TCF19: variants seen among roughly 807,000 people sequenced by gnomAD.
The protein encoded by TCF19 is transcription factor 19.
In TCF19, 9 loss-of-function variants were observed where a neutral mutation model predicts 18.3. The ratio of observed to expected loss-of-function variants is 0.49; its 90% CI spans 0.30 to 0.86. The LOEUF (loss-of-function observed/expected upper bound fraction) is 0.86, where lower values mean the gene tolerates loss of function less well. Ranked by LOEUF, TCF19 falls within the 40% of genes least tolerant of loss-of-function variation. The pLI is 0.07. For synonymous variants in TCF19, 176 were observed against 185.3 expected (o/e 0.95, Z 0.41); for missense variants, 376 against 464.3 (o/e 0.81, Z 1.75).
Position 31,162,356 on chromosome 6 carries a change from C to T in TCF19, c.798-121C>T. ...TTTTTAAGGACAGAGTCCAGGCTCA[C>T]CTTAGTTCTCAGACCACTGTGCCTC... On this transcript the variant is annotated intron_variant, in intron 3 of 3. Transcript: ENST00000376257. This position sits in a 1 kb window ranked among gnomAD's most constrained non-coding sequence, Gnocchi z 4.5. 7.1e-7 allele frequency: 1 copy of T among 1,400,644 alleles called. No individual in the cohort carries two copies. Among genetic ancestry groups the T allele is most frequent in the South Asian group, 1.4e-5 (1 of 71,830 alleles). The allele number at this position is 1,400,644 out of a possible 1,614,324, so 86.8% of individuals were successfully genotyped here.
intron 2 of TCF19, among the ~76,000 whole-genome samples, chr6:31,161,085 GGCGGA>G (rs1776727712): frequency 7.0e-6 from 1 of 142,556 alleles, no homozygotes; most frequent in African/African-American, 2.6e-5. Flanking sequence ...GAACCTGGGA[GGCGGA>G]GTGCAGTGAG....
rs1776874690 is a variant in TCF19, at chr6:31,162,678, C to G, written c.999C>G (p.Asp333Glu). 6.2e-7 allele frequency: 1 copy of G among 1,612,436 alleles called. No individual in the cohort carries two copies. The highest frequency in any genetic ancestry group is 8.5e-7 in the Non-Finnish European group (1 of 1,180,036). Residue 333 changes from aspartate (D) to glutamate (E), a missense_variant, in exon 4 of 4, where the codon GAC (aspartate) becomes GAG (glutamate). Physicochemically the swap from Asp to Glu is conservative, Grantham distance 45 (BLOSUM62 2). Coordinates refer to ENST00000376257, the MANE Select transcript of TCF19 (RefSeq NM_007109.3). The surrounding 1 kb of genome is among the most constrained non-coding windows in gnomAD (Gnocchi z 4.5). ...GCSIQAAREA[D>E]FRCPGCRAGI... ...GCATCCAGGCTGCCAGGGAGGCCGA[C>G]TTCCGATGCCCAGGGTGCCGGGCTG...
intron 2 of TCF19, among the ~76,000 whole-genome samples, chr6:31,160,311 T>C (rs1462648657): frequency 6.6e-6 from 1 of 152,150 alleles, no homozygotes; most frequent in Non-Finnish European, 1.5e-5. Context: ...ACAAAGAGGT[T>C]AAGGAACTTG....
Position 31,163,108 on chromosome 6 carries a change from C to T in TCF19, c.*391C>T. ...TCTTGGTGGCATCACCCAAGGCATTCTGGGAAAACCTAGGGCCTGGCCCCA... is the reference window on the plus strand; with the variant it reads ...TCTTGGTGGCATCACCCAAGGCATTTTGGGAAAACCTAGGGCCTGGCCCCA... On this transcript the variant is annotated 3_prime_UTR_variant, in exon 4 of 4. Transcript: ENST00000376257. 9.6e-7 allele frequency: 1 copy of T among 1,045,812 alleles called. No homozygotes were observed. 64.8% of individuals were successfully genotyped at this position (1,045,812 alleles called of 1,614,324 possible).
chr6:31,162,785 T>C lies in TCF19; in HGVS notation c.*68T>C, dbSNP rs1331810459. ...AGACACAGCAGCGAGCAAATAGGTC[T>C]GATAAATACCCCCCTTCCCTTCCCT... On this transcript the variant is annotated 3_prime_UTR_variant, in exon 4 of 4. Transcript: ENST00000376257. This position sits in a 1 kb window ranked among gnomAD's most constrained non-coding sequence, Gnocchi z 4.5. The C allele has an allele frequency of 5.8e-6, 9 of 1,565,106 alleles. No individual in the cohort carries two copies. The highest frequency in any genetic ancestry group is 7.7e-6 in the Non-Finnish European group (9 of 1,161,440).
In TCF19 at chr6:31,162,634, G is replaced by A. The variant is rs369017838; in HGVS notation, c.955G>A (p.Val319Met). ...TGATGGCTGTGACGTCTGGTTCCAT[G>A]TGGCCTGTGTTGGCTGCAGCATCCA... Reference protein sequence around the residue: ...QCDGCDVWFHVACVGCSIQAA... With the variant: ...QCDGCDVWFHMACVGCSIQAA... Residue 319 changes from valine to methionine, a missense_variant, in exon 4 of 4, where the codon GTG becomes ATG. Physicochemically the swap from Val to Met is conservative, Grantham distance 21 (BLOSUM62 1). Transcript: ENST00000376257. This position sits in a 1 kb window ranked among gnomAD's most constrained non-coding sequence, Gnocchi z 4.5. 1.2e-5 allele frequency: 20 copies of A among 1,612,844 alleles called. No homozygotes were observed. The highest frequency in any genetic ancestry group is 1.6e-5 in the Non-Finnish European group (19 of 1,180,036).
chr6:31,163,061 TG>T lies in TCF19; in HGVS notation c.*345del. On this transcript the variant is annotated 3_prime_UTR_variant, in exon 4 of 4. Transcript: ENST00000376257. ...AGCCATGCCTGCAACCGATGGAAAATGTAAGAGGGAGTTCTTAAGGTTCTTG... is the reference window on the plus strand; with the variant it reads ...AGCCATGCCTGCAACCGATGGAAAATTAAGAGGGAGTTCTTAAGGTTCTTG... The T allele has an allele frequency of 8.7e-7, 1 of 1,148,096 alleles. No homozygotes were observed. Among genetic ancestry groups the T allele is most frequent in the Non-Finnish European group, 1.1e-6 (1 of 931,862 alleles). The allele number at this position is 1,148,096 out of a possible 1,614,324, so 71.1% of individuals were successfully genotyped here.
Position 31,162,786 on chromosome 6 carries a change from G to A in TCF19, c.*69G>A. ...GACACAGCAGCGAGCAAATAGGTCTGATAAATACCCCCCTTCCCTTCCCTC... is the reference window on the plus strand; with the variant it reads ...GACACAGCAGCGAGCAAATAGGTCTAATAAATACCCCCCTTCCCTTCCCTC... On this transcript the variant is annotated 3_prime_UTR_variant, in exon 4 of 4. Transcript: ENST00000376257. This position sits in a 1 kb window ranked among gnomAD's most constrained non-coding sequence, Gnocchi z 4.5. 1 of 1,563,294 alleles carries A rather than the reference G, an allele frequency of 6.4e-7. No individual in the cohort carries two copies. The highest frequency in any genetic ancestry group is 1.2e-5 in the South Asian group (1 of 84,666).
chr6:31,159,785 C>T (rs1150765), intron 2 of TCF19, 78 bp downstream of exon 2: 331,785 of 1,435,264 alleles, frequency 0.23, 41,285 homozygotes, highest in African/African-American at 0.29. Context: ...CCACAAGACC[C>T]TGCTGCCTGC....
intron 2 of TCF19, among the ~76,000 whole-genome samples, chr6:31,160,141 C>T (rs1035056219): frequency 1.3e-4 from 20 of 152,226 alleles, no homozygotes; most frequent in African/African-American, 4.1e-4. Context: ...AGTTTTGCCA[C>T]TGCCTCTTGG....
chr6:31,161,144 A>C, intron 2 of TCF19, among the ~76,000 whole-genome samples: 1 of 130,924 alleles, frequency 7.6e-6, no homozygotes, highest in Non-Finnish European at 1.6e-5. Context: ...ATAGAGCAAA[A>C]CTCCATCTCA....
chr6:31,162,677 A>C lies in TCF19; in HGVS notation c.998A>C (p.Asp333Ala), dbSNP rs1335217107. The change falls in exon 4 of 4, where the codon GAC (aspartate) becomes GCC (alanine). Residue 333 changes from aspartate to alanine, a missense_variant. Transcript: ENST00000376257. The surrounding 1 kb of genome is among the most constrained non-coding windows in gnomAD (Gnocchi z 4.5). ...AGCATCCAGGCTGCCAGGGAGGCCG[A>C]CTTCCGATGCCCAGGGTGCCGGGCT... ...GCSIQAAREA[D>A]FRCPGCRAGI... The C allele has an allele frequency of 3.7e-6, 6 of 1,612,360 alleles. No individual in the cohort carries two copies. Among genetic ancestry groups the C allele is most frequent in the Non-Finnish European group, 5.1e-6 (6 of 1,180,002 alleles).
chr6:31,159,151 C>T lies in TCF19; in HGVS notation c.-319C>T. On this transcript the variant is annotated 5_prime_UTR_variant, in exon 2 of 4. Transcript: ENST00000376257. ...GTATCCTTGCCTTGCAGATTGGAGG[C>T]TCCCCAAATATTTTGCGATCTGAGG... 1 of 394,402 alleles carries T rather than the reference C, an allele frequency of 2.5e-6. No individual in the cohort carries two copies. Among genetic ancestry groups the T allele is most frequent in the Non-Finnish European group, 4.6e-6 (1 of 219,620 alleles). The allele number at this position is 394,402 out of a possible 1,614,324, so 24.4% of individuals were successfully genotyped here. A position where few individuals can be genotyped will look rare whatever the true frequency, so the allele number is the denominator to read the frequency against.
At position 31,159,574 on chromosome 6, in the gene TCF19, C is replaced by T; in HGVS notation, c.105C>T (p.His35=). The part of the protein sequence containing the change: ...AGAGCTYRLG[H]RADLCDVALR... ...CTGGCTGCACCTATCGCTTGGGCCA[C>T]AGGGCCGACCTGTGTGATGTGGCCC... is the stretch of plus-strand genomic sequence containing the variant. The change falls in exon 2 of 4, where the codon CAC becomes CAT. Residue 35 remains histidine (H), a synonymous_variant. Transcript: ENST00000376257. 6.2e-7 allele frequency: 1 copy of T among 1,612,558 alleles called. No individual in the cohort carries two copies. The highest frequency in any genetic ancestry group is 1.7e-5 in the Admixed American group (1 of 59,980).
rs1776558195 is a variant in TCF19, at chr6:31,159,219, GC to G, written c.-250del. ...TGCCATAGGACGTGTTCCTGAGTTT[GC>G]ATTGCACGGAGACCTTCCTGGAATT... On this transcript the variant is annotated 5_prime_UTR_variant, in exon 2 of 4. Coordinates refer to ENST00000376257, the MANE Select transcript of TCF19 (RefSeq NM_007109.3). The G allele has an allele frequency of 2.0e-6, 1 of 498,972 alleles. No homozygotes were observed. The highest frequency in any genetic ancestry group is 3.6e-6 in the Non-Finnish European group (1 of 280,866). 30.9% of individuals were successfully genotyped at this position (498,972 alleles called of 1,614,324 possible).
At position 31,163,964 on chromosome 6, in the gene TCF19, CT is replaced by C; in HGVS notation, c.*1248del. 5.1e-6 allele frequency: 5 copies of C among 986,902 alleles called. No individual in the cohort carries two copies. Among genetic ancestry groups the C allele is most frequent in the Non-Finnish European group, 6.0e-6 (5 of 830,950 alleles). 61.1% of individuals were successfully genotyped at this position (986,902 alleles called of 1,614,324 possible). A position where few individuals can be genotyped will look rare whatever the true frequency, so the allele number is the denominator to read the frequency against. On this transcript the variant is annotated 3_prime_UTR_variant, in exon 4 of 4. Transcript: ENST00000376257. ...ACCTTAAGTGGAAACCAAATAGACC[CT>C]GGTATCAAGAAAGCACAAAGTATTA...
rs756305632 is a variant in TCF19 at position 31,162,528 on chromosome 6, C to T, written c.849C>T (p.Pro283=). ...ACCCAGTGAGCGCTCCCATGGCTCCCCCTGCAGTTGGGGGCGGGGAGCCCT... is the reference window on the plus strand; with the variant it reads ...ACCCAGTGAGCGCTCCCATGGCTCCTCCTGCAGTTGGGGGCGGGGAGCCCT... ...RKYPVSAPMA[P]PAVGGGEPCA... The change falls in exon 4 of 4, where the codon CCC becomes CCT. Residue 283 remains proline (P), a synonymous_variant. Coordinates refer to ENST00000376257, the MANE Select transcript of TCF19 (RefSeq NM_007109.3). The surrounding 1 kb of genome is among the most constrained non-coding windows in gnomAD (Gnocchi z 4.5). 5 of 1,612,832 alleles carry T rather than the reference C, an allele frequency of 3.1e-6. No individual in the cohort carries two copies. In the South Asian group the frequency reaches 4.4e-5, roughly 14 times the overall value.
chr6:31,159,279 T>G lies in TCF19; in HGVS notation c.-191T>G. 1.8e-6 allele frequency: 1 copy of G among 550,932 alleles called. No individual in the cohort carries two copies. The highest frequency in any genetic ancestry group is 3.1e-5 in the South Asian group (1 of 32,276). 34.1% of individuals were successfully genotyped at this position (550,932 alleles called of 1,614,324 possible). ...GCAAGTCGGCTTAACCAATTTTGCA[T>G]TGAGTCCTAGGCTGCTTGCACTCTG... is the stretch of plus-strand genomic sequence containing the variant. On this transcript the variant is annotated 5_prime_UTR_variant, in exon 2 of 4. Transcript: ENST00000376257.
intron 2 of TCF19, among the ~76,000 whole-genome samples, chr6:31,161,239 A>G (rs532308516): frequency 6.6e-6 from 1 of 152,126 alleles, no homozygotes; most frequent in Admixed American, 6.5e-5. Context: ...GATCCTTTGT[A>G]GGAAAGCACA....
Sources: gnomAD v4.1 joint callset for allele counts (sites outside exome capture counted in the v4.1 genomes callset) on GRCh38, gnomAD v4.1.1 for gene constraint, Gnocchi (gnomAD v3.1) non-coding constraint, MANE v1.5 for transcripts, NCBI Gene and HGNC (gene_info 2026-07-23, HGNC 2026-07-21) for gene names.